ANO4: variants seen among roughly 807,000 people sequenced by gnomAD.
ANO4 encodes the protein anoctamin 4.
ANO4 carries 69 observed loss-of-function variants against 141.9 expected under a neutral mutation model. The observed-to-expected ratio is 0.49, with a 90% CI of 0.40 to 0.59. The LOEUF (loss-of-function observed/expected upper bound fraction) is 0.59. Ranked by LOEUF, ANO4 falls within the 20% of genes least tolerant of loss-of-function variation. ANO4 has a pLI of 0.00. For missense variants in ANO4, 894 were observed against 1,162.2 expected (o/e 0.77, Z 3.36); for synonymous variants, 350 against 394.3 (o/e 0.89, Z 1.33).
chr12:101,070,138 A>G (rs565683651), intron 14 of ANO4, among the ~76,000 whole-genome samples: 104 of 152,300 alleles, frequency 6.8e-4, no homozygotes, highest in African/African-American at 2.4e-3. Context: ...AATACCAATT[A>G]TGTGCTTCAC....
At position 100,927,266 on chromosome 12, in the gene ANO4, G is replaced by A. The variant is rs559833512; in HGVS notation, c.160+4936G>A. Among the ~76,000 whole-genome samples, 31 of 152,168 alleles carry A rather than the reference G, an allele frequency of 2.0e-4. No individual in the cohort carries two copies. In the East Asian group the frequency reaches 5.8e-3, roughly 28 times the overall value. On this transcript the variant is annotated intron_variant, in intron 3 of 27. Transcript: ENST00000392977. ...CAATAACTGAAATTAAATTGTCCACGAAGCCGGTGGAATGGGAACTTGCAG... is the reference window on the plus strand; with the variant it reads ...CAATAACTGAAATTAAATTGTCCACAAAGCCGGTGGAATGGGAACTTGCAG...
chr12:101,042,653 C>G (rs747938996), intron 12 of ANO4, among the ~76,000 whole-genome samples, 185 bp downstream of exon 12: 9 of 152,198 alleles, frequency 5.9e-5, no homozygotes, highest in Non-Finnish European at 1.0e-4. Flanking sequence ...CTGCCATGGT[C>G]TTCAGATACC....
At chr12:101,024,976 G>T (rs895404453) in intron 9 of ANO4, among the ~76,000 whole-genome samples, 1 of 152,170 alleles carries the variant, frequency 6.6e-6, no homozygotes, top group African/African-American at 2.4e-5. Flanking sequence ...TCTAGATTCT[G>T]GTAAGGATCT....
At chr12:101,001,358 C>T (rs2045631835) in intron 8 of ANO4, among the ~76,000 whole-genome samples, 2 of 152,178 alleles carry the variant, frequency 1.3e-5, no homozygotes, top group South Asian at 4.1e-4. Context: ...TAGTGCTTCA[C>T]AGGCAGGTAG....
chr12:100,764,107 CA>C (rs993641620), intron 3 of ANO4, among the ~76,000 whole-genome samples: 1 of 152,160 alleles, frequency 6.6e-6, no homozygotes, highest in African/African-American at 2.4e-5. Flanking sequence ...AGGCATTCTG[CA>C]AATAAGAGCT....
chr12:100,962,705 C>T (rs906110537), intron 5 of ANO4, among the ~76,000 whole-genome samples: 3 of 152,166 alleles, frequency 2.0e-5, no homozygotes, highest in Non-Finnish European at 4.4e-5. Context: ...TCTAGAGACC[C>T]CTCAGAGACC....
At chr12:101,098,970 T>C (rs1433981183) in intron 21 of ANO4, among the ~76,000 whole-genome samples, 1 of 152,172 alleles carries the variant, frequency 6.6e-6, no homozygotes, top group Admixed American at 6.6e-5. Flanking sequence ...CTCAATGCTT[T>C]CTCATATTAC....
chr12:101,017,409 T>C (rs764463596), intron 8 of ANO4, among the ~76,000 whole-genome samples: 11 of 152,054 alleles, frequency 7.2e-5, no homozygotes, highest in Non-Finnish European at 8.8e-5. Context: ...AAGAAGAGTG[T>C]GGGGACACAG....
chr12:101,097,860 G>T lies in ANO4; in HGVS notation c.1921G>T (p.Gly641Ter). 1 of 1,613,772 alleles carries T rather than the reference G, an allele frequency of 6.2e-7. No homozygotes were observed. The highest frequency in any genetic ancestry group is 8.5e-7 in the Non-Finnish European group (1 of 1,179,770). Residue 641 changes from glycine (G) to a stop codon, truncating the protein, a stop_gained, in exon 21 of 28, where the codon GGA (glycine) becomes TGA (stop). Coordinates refer to ENST00000392977, the MANE Select transcript of ANO4 (RefSeq NM_001286615.2). LOFTEE classifies it high-confidence loss of function. Reference sequence around the variant, plus strand: ...GCTTACCTTGCAGTGCCACCCTAGTGGATGCCTTATTGATCTGTGTATGCA... The same window carrying T: ...GCTTACCTTGCAGTGCCACCCTAGTTGATGCCTTATTGATCTGTGTATGCA... The part of the protein sequence containing the change: ...RWRLEECHPS[G>*]CLIDLCMQMG...
chr12:100,806,536 T>G (rs1187510883), intron 1 of ANO4, among the ~76,000 whole-genome samples: 9 of 39,912 alleles, frequency 2.3e-4, no homozygotes, highest in African/African-American at 8.5e-4. Flanking sequence ...TTTTTTTTTT[T>G]TTTTTTTTTT....
At chr12:101,019,971 A>G in intron 8 of ANO4, 63 bp from the exon 9 acceptor site, 1 of 1,384,498 alleles carries the variant, frequency 7.2e-7, no homozygotes, top group Admixed American at 1.7e-5. Context: ...CCAAATTATA[A>G]CAAAAATTAG....
At chr12:101,055,577 G>A (rs2048082267) in intron 14 of ANO4, among the ~76,000 whole-genome samples, 2 of 152,152 alleles carry the variant, frequency 1.3e-5, no homozygotes. Context: ...AGGTAGAAAT[G>A]CTTCATCTTA....
At chr12:101,046,932 C>T (rs1318562100) in intron 13 of ANO4, among the ~76,000 whole-genome samples, 3 of 152,194 alleles carry the variant, frequency 2.0e-5, no homozygotes, top group Non-Finnish European at 4.4e-5. Flanking sequence ...GTGCAAGCTA[C>T]ACTTTCTAGC....
In ANO4 at chr12:100,872,682, G is replaced by A. The variant is rs185403884; in HGVS notation, c.-140-28964G>A. On this transcript the variant is annotated intron_variant, in intron 1 of 27. Transcript: ENST00000392977. Reference sequence around the variant, plus strand: ...TGACCTGCTTTTTACTTTATATTTCGGCAGCTATAATTTTGTAAAAATGGG... The same window carrying A: ...TGACCTGCTTTTTACTTTATATTTCAGCAGCTATAATTTTGTAAAAATGGG... Among the ~76,000 whole-genome samples, 228 of 152,158 alleles carry A rather than the reference G, an allele frequency of 1.5e-3. 1 individual carries two copies. Among genetic ancestry groups the A allele is most frequent in the African/African-American group, 5.3e-3 (221 of 41,496 alleles).
At chr12:101,076,711 T>G (rs1331115504) in intron 14 of ANO4, among the ~76,000 whole-genome samples, 3 of 152,124 alleles carry the variant, frequency 2.0e-5, no homozygotes, top group Non-Finnish European at 4.4e-5. Flanking sequence ...TCAAGTGTCT[T>G]TATGCTCATG....
intron 3 of ANO4, among the ~76,000 whole-genome samples, chr12:100,937,092 G>C (rs1424282414): frequency 6.6e-6 from 1 of 152,164 alleles, no homozygotes; most frequent in African/African-American, 2.4e-5. Flanking sequence ...TAAGAATCAT[G>C]TTAGGAAAAC....
chr12:100,944,371 AT>A (rs200297695), intron 5 of ANO4, among the ~76,000 whole-genome samples: 38 of 139,416 alleles, frequency 2.7e-4, no homozygotes, highest in African/African-American at 9.0e-4. Context: ...GTTTGTTGGA[AT>A]TTAAAAAAAA....
In ANO4 at chr12:100,982,588, A is replaced by G. The variant is rs190784797; in HGVS notation, c.603-4951A>G. On this transcript the variant is annotated intron_variant, in intron 7 of 27. Coordinates refer to ENST00000392977, the MANE Select transcript of ANO4 (RefSeq NM_001286615.2). ...TCTTCGTCCTAGAAACTATCACTCA[A>G]TCGAGCCCTTTGTGCATCCAAGGCA... 1.1e-4 allele frequency among the ~76,000 whole-genome samples: 16 copies of G among 152,284 alleles called. No individual in the cohort carries two copies. In the East Asian group the frequency reaches 1.3e-3, roughly 13 times the overall value.
intron 5 of ANO4, among the ~76,000 whole-genome samples, chr12:100,968,006 A>G (rs1469213496): frequency 6.6e-6 from 1 of 152,176 alleles, no homozygotes; most frequent in African/African-American, 2.4e-5. Context: ...CCTCTAAGAA[A>G]CTGAAGGAAA....
Sources: allele counts gnomAD v4.1 joint callset (sites outside exome capture counted in the v4.1 genomes callset), GRCh38; gene constraint gnomAD v4.1.1; transcripts MANE v1.5; gene names NCBI Gene and HGNC (gene_info 2026-07-23, HGNC 2026-07-21).